Variants in MAEL observed in about 807,000 individuals in gnomAD.
MAEL encodes the protein maelstrom spermatogenic transposon silencer, also known as protein maelstrom homolog.
In MAEL, 46 loss-of-function variants were observed where a neutral mutation model predicts 62.0. The ratio of observed to expected loss-of-function variants is 0.74; its 90% CI spans 0.59 to 0.95. MAEL has a LOEUF of 0.95. Among genes scored for constraint, MAEL ranks in the 40% least tolerant of loss-of-function variants. The pLI, the probability that MAEL is intolerant of heterozygous loss-of-function variation, is 0.00. For synonymous variants in MAEL, 172 were observed against 175.5 expected, an observed-to-expected ratio of 0.98 and a Z score of 0.16; for missense variants, 497 against 526.8, an observed-to-expected ratio of 0.94 and a Z score of 0.55.
At chr1:166,999,806 C>T (rs891785012) in intron 5 of MAEL, among the ~76,000 whole-genome samples, 1 of 152,172 alleles carries the variant, frequency 6.6e-6, no homozygotes, top group African/African-American at 2.4e-5. Context: ...AGCCAGGGCT[C>T]ATTTACCCAT....
Position 166,977,422 on chromosome 1 carries a change from G to C in MAEL, c.-121+1756G>C, listed in dbSNP as rs552971875. On this transcript the variant is annotated intron_variant, in intron 1 of 12. Transcript: ENST00000622874. ...AAACCTTCTCATTTAACCCTAAAGA[G>C]GGAACTTAGGCCCAGAGCATTTAAC... Among the ~76,000 whole-genome samples, 5 of 152,296 alleles carry C rather than the reference G, an allele frequency of 3.3e-5. No homozygotes were observed. The East Asian group carries it at 9.6e-4, about 29-fold the overall frequency.
intron 8 of MAEL, among the ~76,000 whole-genome samples, chr1:167,013,924 C>T (rs1328777857): frequency 6.6e-6 from 1 of 152,136 alleles, no homozygotes; most frequent in Admixed American, 6.5e-5. Flanking sequence ...CATGGGGGTT[C>T]TGGGAAGTAG....
chr1:167,016,541 T>C (rs1334183790), intron 9 of MAEL, among the ~76,000 whole-genome samples: 1 of 152,140 alleles, frequency 6.6e-6, no homozygotes, highest in Non-Finnish European at 1.5e-5. Context: ...GTTGGTGGGA[T>C]GTAAGTTAAT....
intron 1 of MAEL, among the ~76,000 whole-genome samples, chr1:166,983,804 C>T (rs769263478): frequency 5.9e-5 from 9 of 151,886 alleles, no homozygotes; most frequent in Non-Finnish European, 1.2e-4. Flanking sequence ...AAGTATGAGA[C>T]CAGTCTGGGC....
rs752678933 is a variant in MAEL, at chr1:167,021,864, C to T, written c.*9C>T. 3 of 1,582,486 alleles carry T rather than the reference C, an allele frequency of 1.9e-6. No individual in the cohort carries two copies. Among genetic ancestry groups the T allele is most frequent in the South Asian group, 2.3e-5 (2 of 87,860 alleles). On this transcript the variant is annotated 3_prime_UTR_variant, in exon 12 of 12. Transcript: ENST00000367872. ...TCTCTTCCTTATCTTAATGATGGTA[C>T]TCTTTTCAATTTCTGAAAACAGTAA... is the stretch of plus-strand genomic sequence containing the variant.
At position 167,022,030 on chromosome 1, in the gene MAEL, T is replaced by C. The variant is rs563861995; in HGVS notation, c.*175T>C. Reference sequence around the variant, plus strand: ...TTGTGGTTGGAGAGCATCTTGGCATTTGTGCTTTTTTTCTTGAGGGATTGT... The same window carrying C: ...TTGTGGTTGGAGAGCATCTTGGCATCTGTGCTTTTTTTCTTGAGGGATTGT... On this transcript the variant is annotated 3_prime_UTR_variant, in exon 12 of 12. Transcript: ENST00000367872. The C allele has an allele frequency of 2.0e-5, 11 of 536,720 alleles. No individual in the cohort carries two copies. In the South Asian group the frequency reaches 3.4e-4, roughly 17 times the overall value. 33.2% of individuals were successfully genotyped at this position (536,720 alleles called of 1,614,324 possible).
Position 166,989,461 on chromosome 1 carries a change from C to G in MAEL, c.109C>G (p.Pro37Ala). Residue 37 changes from proline (P) to alanine (A), a missense_variant, in exon 1 of 12, where the codon CCT becomes GCT. Pro to Ala is a conservative substitution (Grantham distance 27, BLOSUM62 -1). Transcript: ENST00000367872. ...LPVARVADAIPYCSSDWALLR... is the reference protein window; with the variant it reads ...LPVARVADAIAYCSSDWALLR... The stretch of plus-strand genomic sequence containing the variant: ...TGTGGCTCGCGTTGCTGATGCCATC[C>G]CTTACTGCTCCTCAGACTGGGCGGT... 1 of 1,586,552 alleles carries G rather than the reference C, an allele frequency of 6.3e-7. No individual in the cohort carries two copies. Among genetic ancestry groups the G allele is most frequent in the South Asian group, 1.1e-5 (1 of 87,008 alleles).
chr1:166,989,568 A>T, intron 1 of MAEL, 84 bp downstream of exon 1: 1 of 1,530,530 alleles, frequency 6.5e-7, no homozygotes, highest in East Asian at 2.4e-5. Context: ...GGCCTCGAGG[A>T]GGTCAGGCGG....
chr1:167,003,493 G>T (rs1290550111), intron 5 of MAEL, among the ~76,000 whole-genome samples: 1 of 152,156 alleles, frequency 6.6e-6, no homozygotes, highest in African/African-American at 2.4e-5. Flanking sequence ...TCTGGAAAGG[G>T]TTTGTGTTTG....
upstream of MAEL, among the ~76,000 whole-genome samples, chr1:166,985,978 A>C (rs958981949): frequency 1.3e-5 from 2 of 152,230 alleles, no homozygotes; most frequent in African/African-American, 4.8e-5. Flanking sequence ...ATATGCTTAA[A>C]GATTTTTAGA....
At chr1:167,010,393 G>C (rs368731293) in intron 8 of MAEL, among the ~76,000 whole-genome samples, 1 of 151,962 alleles carries the variant, frequency 6.6e-6, no homozygotes, top group Admixed American at 6.6e-5. Context: ...GGGGGTGGGG[G>C]TATGAGAAAT....
At chr1:167,000,224 G>T (rs1178080860) in intron 5 of MAEL, among the ~76,000 whole-genome samples, 1 of 152,138 alleles carries the variant, frequency 6.6e-6, no homozygotes, top group African/African-American at 2.4e-5. Context: ...ACCTGAAAAG[G>T]ATTCACCATT....
At chr1:166,982,626 A>T (rs1663791549) in intron 1 of MAEL, among the ~76,000 whole-genome samples, 1 of 152,134 alleles carries the variant, frequency 6.6e-6, no homozygotes, top group African/African-American at 2.4e-5. Context: ...TTTGCATAAC[A>T]CGTACCTGGT....
intron 1 of MAEL, chr1:166,975,736 G>A (rs1663555410): frequency 6.6e-6 from 1 of 152,040 alleles, no homozygotes; most frequent in African/African-American, 2.4e-5. Context: ...AGAGGCGCGG[G>A]GGAGGCCGCC....
intron 8 of MAEL, among the ~76,000 whole-genome samples, chr1:167,010,701 G>C (rs993621830): frequency 2.6e-5 from 4 of 152,112 alleles, no homozygotes; most frequent in East Asian, 3.8e-4. Flanking sequence ...TCCTGCCTCA[G>C]CCTTCCAAAT....
At chr1:166,979,219 G>A (rs1395150980) in intron 1 of MAEL, among the ~76,000 whole-genome samples, 1 of 152,050 alleles carries the variant, frequency 6.6e-6, no homozygotes, top group East Asian at 1.9e-4. Flanking sequence ...ATTCCAAGAG[G>A]AATATACGAA....
chr1:167,012,807 G>GGTGTTTGCTAGAAATTGTTAGACA (rs1665225778), intron 8 of MAEL, among the ~76,000 whole-genome samples: 1 of 152,136 alleles, frequency 6.6e-6, no homozygotes, highest in South Asian at 2.1e-4. Flanking sequence ...GTAAAGGCTT[G>GGTGTTTGCTAGAAATTGTTAGACA]GTGTTTGCTA....
chr1:167,021,559 A>G lies in MAEL; in HGVS notation c.1118-109A>G, dbSNP rs181960820. On this transcript the variant is annotated intron_variant, in intron 11 of 11. Transcript: ENST00000367872. The stretch of plus-strand genomic sequence containing the variant: ...AACAAAAACATTTTTCTGTTGAATT[A>G]TGGCTTAGTGAAAGGCCTACAGTAG... 6.9e-6 allele frequency: 5 copies of G among 724,424 alleles called. No individual in the cohort carries two copies. In the Admixed American group the frequency reaches 1.4e-4, roughly 21 times the overall value. The allele number at this position is 724,424 out of a possible 1,614,324, so 44.9% of individuals were successfully genotyped here.
At position 167,017,931 on chromosome 1, in the gene MAEL, T is replaced by C. The variant is rs763724461; in HGVS notation, c.1013T>C (p.Met338Thr). 1.2e-6 allele frequency: 2 copies of C among 1,613,248 alleles called. No homozygotes were observed. Among genetic ancestry groups the C allele is most frequent in the Non-Finnish European group, 1.7e-6 (2 of 1,179,464 alleles). Reference protein sequence around the residue: ...YEASNSVTPKMVVLDAGRYQK... With the variant: ...YEASNSVTPKTVVLDAGRYQK... The stretch of plus-strand genomic sequence containing the variant: ...GCCAGCAATAGTGTGACACCCAAAA[T>C]GGTTGTATTGGATGCAGGGCGTTAC... Residue 338 changes from methionine (M) to threonine (T), a missense_variant, in exon 10 of 12, where the codon ATG becomes ACG. Transcript: ENST00000367872.
Sources: gnomAD v4.1 joint callset for allele counts (sites outside exome capture counted in the v4.1 genomes callset) on GRCh38, gnomAD v4.1.1 for gene constraint, MANE v1.5 for transcripts, NCBI Gene and HGNC (gene_info 2026-07-23, HGNC 2026-07-21) for gene names.